CORO1C: variants seen among roughly 807,000 people sequenced by gnomAD.
CORO1C encodes coronin 1C, also known as coronin-1C.
A neutral mutation model predicts 51.2 loss-of-function variants in CORO1C; 14 were observed. That is an observed-to-expected ratio of 0.27 (90% confidence interval 0.18 to 0.43). The LOEUF is 0.43. Ranked by LOEUF, CORO1C falls within the 20% of genes least tolerant of loss-of-function variation. The probability of loss-of-function intolerance (pLI) is 1.00; values close to 1 mark genes in which losing one functional copy is unlikely to be tolerated. For synonymous variants in CORO1C, 181 were observed against 210.5 expected, an observed-to-expected ratio of 0.86 and a Z score of 1.21; for missense variants, 417 against 607.8, an observed-to-expected ratio of 0.69 and a Z score of 3.30.
At chr12:108,717,310 C>A (rs1320311774) in intron 1 of CORO1C, among the ~76,000 whole-genome samples, 1 of 152,224 alleles carries the variant, frequency 6.6e-6, no homozygotes, top group African/African-American at 2.4e-5. Context: ...GCTGCGAGGT[C>A]AGCAGAACCC....
At chr12:108,718,650 A>G (rs907398693) in intron 1 of CORO1C, among the ~76,000 whole-genome samples, 1 of 152,238 alleles carries the variant, frequency 6.6e-6, no homozygotes, top group African/African-American at 2.4e-5. Context: ...GAAATAGGAA[A>G]GTATAGCGCT....
chr12:108,649,250 C>G, intron 8 of CORO1C: 1 of 586,672 alleles, frequency 1.7e-6, no homozygotes, highest in Non-Finnish European at 3.0e-6. Context: ...AGACAAGAAC[C>G]ATGAGTAGAG....
intron 3 of CORO1C, among the ~76,000 whole-genome samples, chr12:108,676,975 T>C (rs2033930454): frequency 6.6e-6 from 1 of 152,104 alleles, no homozygotes; most frequent in African/African-American, 2.4e-5. Context: ...CAAAAGCCCA[T>C]GAGGAAAAGC....
intron 1 of CORO1C, among the ~76,000 whole-genome samples, chr12:108,728,326 A>G (rs1473518429): frequency 1.3e-5 from 2 of 151,472 alleles, no homozygotes; most frequent in African/African-American, 4.8e-5. Context: ...AAACAATGGA[A>G]TATTATTTGA....
At chr12:108,700,661 A>AT (rs2034837755) in intron 2 of CORO1C, among the ~76,000 whole-genome samples, 1 of 152,046 alleles carries the variant, frequency 6.6e-6, no homozygotes. Context: ...AAAAAAAAAA[A>AT]GGAAATTAAG....
At chr12:108,721,552 C>T (rs1304672531) in intron 1 of CORO1C, among the ~76,000 whole-genome samples, 1 of 152,104 alleles carries the variant, frequency 6.6e-6, no homozygotes, top group Admixed American at 6.6e-5. Context: ...ATTAAGCTTG[C>T]CATAAGACTT....
At position 108,649,310 on chromosome 12, in the gene CORO1C, T is replaced by G. The variant is rs1251177474; in HGVS notation, c.1002-290A>C. On this transcript the variant is annotated intron_variant, in intron 8 of 10. Transcript: ENST00000261401. ...CCAATTATCTGGGGGACAGACCAAC[T>G]GTGGTGGAAATAATAGCAACACTGA... 1.1e-5 allele frequency: 5 copies of G among 456,944 alleles called. No individual in the cohort carries two copies. In the Admixed American group the frequency reaches 1.2e-4, roughly 11 times the overall value. The allele number at this position is 456,944 out of a possible 1,614,324, so 28.3% of individuals were successfully genotyped here.
chr12:108,701,585 A>C, intron 1 of CORO1C: 1 of 485,914 alleles, frequency 2.1e-6, no homozygotes, highest in Non-Finnish European at 3.7e-6. Context: ...TTTAATTTCA[A>C]TGGAAAGATT....
intron 2 of CORO1C, chr12:108,700,825 A>C (rs1431520843): frequency 3.9e-6 from 1 of 259,164 alleles, no homozygotes; most frequent in East Asian, 7.5e-5. Context: ...ATTTTTGTGA[A>C]AAGCAGATGA....
At chr12:108,687,916 C>T (rs955737030) in intron 2 of CORO1C, among the ~76,000 whole-genome samples, 2 of 148,354 alleles carry the variant, frequency 1.3e-5, no homozygotes, top group African/African-American at 2.4e-5. Context: ...AATGTATCCC[C>T]TCTGACCCTT....
chr12:108,655,373 CCCCTCTCCCTCTCCCCACGGTCT>C (rs1278280933), intron 6 of CORO1C, among the ~76,000 whole-genome samples: 50 of 149,250 alleles, frequency 3.4e-4, no homozygotes, highest in Non-Finnish European at 3.4e-4. Context: ...CCTCCCCCTC[CCCCTCTCCCTCTCCCCACGGTCT>C]CCCTCTCCCT....
chr12:108,720,162 G>A (rs1409925264), intron 1 of CORO1C, among the ~76,000 whole-genome samples: 1 of 152,000 alleles, frequency 6.6e-6, no homozygotes, highest in Non-Finnish European at 1.5e-5. Context: ...CTCCAGCCTG[G>A]GTGACAGAGC....
At chr12:108,712,739 T>C (rs575367538) in intron 1 of CORO1C, among the ~76,000 whole-genome samples, 6 of 151,904 alleles carry the variant, frequency 3.9e-5, no homozygotes, top group African/African-American at 1.2e-4. Flanking sequence ...CTCAGCATTT[T>C]GGGAGGCTGA....
intron 1 of CORO1C, among the ~76,000 whole-genome samples, chr12:108,721,504 T>G (rs1024024124): frequency 2.6e-5 from 4 of 152,248 alleles, no homozygotes; most frequent in Non-Finnish European, 5.9e-5. Flanking sequence ...TGTAATGTAT[T>G]TTTTAAACTT....
intron 1 of CORO1C, among the ~76,000 whole-genome samples, chr12:108,704,278 C>A (rs970672289): frequency 5.3e-5 from 8 of 152,064 alleles, no homozygotes; most frequent in African/African-American, 1.7e-4. Context: ...TCAAGATCAT[C>A]CTGGCCAACA....
At chr12:108,718,546 A>AGACACACACACACG (rs1247614263) in intron 1 of CORO1C, among the ~76,000 whole-genome samples, 1 of 152,250 alleles carries the variant, frequency 6.6e-6, no homozygotes, top group Non-Finnish European at 1.5e-5. Context: ...CACCTCAAAA[A>AGACACACACACACG]CAAAAAGAAA....
chr12:108,672,994 T>C (rs913239594), intron 3 of CORO1C, among the ~76,000 whole-genome samples: 4 of 152,176 alleles, frequency 2.6e-5, no homozygotes, highest in African/African-American at 7.2e-5. Flanking sequence ...CATAACAACA[T>C]TGAAATTAGG....
At chr12:108,681,343 G>C (rs2034116059) in intron 2 of CORO1C, among the ~76,000 whole-genome samples, 2 of 152,192 alleles carry the variant, frequency 1.3e-5, no homozygotes, top group Non-Finnish European at 2.9e-5. Context: ...TAAGTCTTTA[G>C]ATTTAAGATG....
At chr12:108,704,820 CGTAA>C (rs1386615780) in intron 1 of CORO1C, among the ~76,000 whole-genome samples, 15 of 152,178 alleles carry the variant, frequency 9.9e-5, no homozygotes, top group African/African-American at 3.4e-4. Context: ...CAGACAGCCT[CGTAA>C]GTGAGAAGCA....
Sources: allele counts gnomAD v4.1 joint callset (sites outside exome capture counted in the v4.1 genomes callset), GRCh38; gene constraint gnomAD v4.1.1; transcripts MANE v1.5; gene names NCBI Gene and HGNC (gene_info 2026-07-23, HGNC 2026-07-21).